AHCYL2: variants seen among roughly 807,000 people sequenced by gnomAD.
AHCYL2 encodes adenosylhomocysteinase like 2.
AHCYL2 carries 28 observed loss-of-function variants against 81.4 expected under a neutral mutation model. That is an observed-to-expected ratio of 0.34 (90% confidence interval 0.25 to 0.47). The LOEUF (loss-of-function observed/expected upper bound fraction) is 0.47, where lower values mean the gene tolerates loss of function less well. AHCYL2 is among the 20% of genes least tolerant of loss of function. The pLI, the probability that AHCYL2 is intolerant of heterozygous loss-of-function variation, is 1.00. For synonymous variants in AHCYL2, 272 were observed against 290.2 expected, an observed-to-expected ratio of 0.94 and a Z score of 0.64; for missense variants, 551 against 785.1, an observed-to-expected ratio of 0.70 and a Z score of 3.56.
rs544222948 is a variant in AHCYL2, at chr7:129,392,775, G to T, written c.720+3041G>T. Among the ~76,000 whole-genome samples the T allele has an allele frequency of 3.9e-5, 6 of 152,302 alleles. No homozygotes were observed. The South Asian group carries it at 1.0e-3, about 26-fold the overall frequency. On this transcript the variant is annotated intron_variant, in intron 4 of 16. Transcript: ENST00000325006. ...TTCTGATAATATTTTTCTAACAAAA[G>T]AATCCAGTCCATGGTTATATGTCAC... is the stretch of plus-strand genomic sequence containing the variant.
chr7:129,243,309 C>T (rs962125242), intron 1 of AHCYL2, among the ~76,000 whole-genome samples: 13 of 152,060 alleles, frequency 8.5e-5, no homozygotes, highest in Non-Finnish European at 1.6e-4. Context: ...AGGCGTGAGC[C>T]ACCATGCCCA....
chr7:129,403,860 CAAAA>C (rs34806455), intron 7 of AHCYL2, among the ~76,000 whole-genome samples: 6 of 80,196 alleles, frequency 7.5e-5, no homozygotes, highest in Non-Finnish European at 1.6e-4. Flanking sequence ...GACTCCATCT[CAAAA>C]AAAAAAAAAA....
At chr7:129,279,056 A>G (rs978693112) in intron 1 of AHCYL2, among the ~76,000 whole-genome samples, 9 of 151,992 alleles carry the variant, frequency 5.9e-5, no homozygotes, top group African/African-American at 1.9e-4. Context: ...CGCCCTTTAC[A>G]TTTCCATGTG....
At chr7:129,236,873 GTTCATA>G (rs1794662569) in intron 1 of AHCYL2, among the ~76,000 whole-genome samples, 1 of 151,848 alleles carries the variant, frequency 6.6e-6, no homozygotes, top group Non-Finnish European at 1.5e-5. Flanking sequence ...GTAATTCCCT[GTTCATA>G]TTCATTAACA....
At chr7:129,359,279 C>A (rs1389068336) in intron 1 of AHCYL2, among the ~76,000 whole-genome samples, 1 of 152,048 alleles carries the variant, frequency 6.6e-6, no homozygotes, top group Non-Finnish European at 1.5e-5. Context: ...ATATCAGGTT[C>A]AAAAATAGGC....
intron 1 of AHCYL2, among the ~76,000 whole-genome samples, chr7:129,265,875 A>T (rs1433526235): frequency 2.0e-5 from 3 of 152,214 alleles, no homozygotes; most frequent in African/African-American, 7.2e-5. Context: ...TGGAGCAGAT[A>T]ATAGCGGTGA....
At chr7:129,375,532 A>C (rs141104373) in intron 1 of AHCYL2, 3 of 911,314 alleles carry the variant, frequency 3.3e-6, no homozygotes, top group Non-Finnish European at 2.8e-6. Flanking sequence ...TGTTATGCGC[A>C]TGCAAGTTGG....
At chr7:129,305,487 CACTTTAT>C (rs1797407638) in intron 1 of AHCYL2, among the ~76,000 whole-genome samples, 1 of 151,860 alleles carries the variant, frequency 6.6e-6, no homozygotes, top group South Asian at 2.1e-4. Flanking sequence ...CAAAAAAAAA[CACTTTAT>C]ACTTTAACTT....
At chr7:129,246,264 G>C (rs1394045012) in intron 1 of AHCYL2, among the ~76,000 whole-genome samples, 6 of 152,056 alleles carry the variant, frequency 3.9e-5, no homozygotes, top group Non-Finnish European at 7.4e-5. Flanking sequence ...CTCCATGTTG[G>C]TCAGGCTGGT....
chr7:129,344,434 T>A (rs569453339), intron 1 of AHCYL2, among the ~76,000 whole-genome samples: 1 of 152,338 alleles, frequency 6.6e-6, no homozygotes, highest in South Asian at 2.1e-4. Flanking sequence ...ACTACTCATA[T>A]AACAGTATGG....
intron 1 of AHCYL2, among the ~76,000 whole-genome samples, chr7:129,311,122 G>A (rs1475555631): frequency 3.3e-5 from 5 of 150,922 alleles, no homozygotes; most frequent in Admixed American, 6.6e-5. Context: ...AAAAAAAAAT[G>A]TACGACAGAC....
Position 129,368,019 on chromosome 7 carries a change from G to A in AHCYL2, c.364-11619G>A, listed in dbSNP as rs1005229340. ...CCAAATCAAGCAACTCTTGAGAAAT[G>A]GGAGTGCCTTCCTGACCTCAGTCTT... On this transcript the variant is annotated intron_variant, in intron 1 of 16. Coordinates refer to ENST00000325006, the MANE Select transcript of AHCYL2 (RefSeq NM_015328.4). This position sits in a 1 kb window ranked among gnomAD's most constrained non-coding sequence, Gnocchi z 4.4. The A allele has an allele frequency of 6.4e-6, 5 of 778,704 alleles. No homozygotes were observed. The highest frequency in any genetic ancestry group is 7.8e-6 in the Non-Finnish European group (5 of 640,854). The allele number at this position is 778,704 out of a possible 1,614,324, so 48.2% of individuals were successfully genotyped here. A position where few individuals can be genotyped will look rare whatever the true frequency, so the allele number is the denominator to read the frequency against.
intron 6 of AHCYL2, 118 bp downstream of exon 6, chr7:129,400,502 T>G: frequency 1.1e-6 from 1 of 879,324 alleles, no homozygotes; most frequent in South Asian, 2.0e-5. Context: ...CATTTCTATC[T>G]GATATACCTG....
intron 1 of AHCYL2, among the ~76,000 whole-genome samples, chr7:129,226,641 T>C (rs969446466): frequency 5.3e-5 from 8 of 152,174 alleles, no homozygotes; most frequent in African/African-American, 1.9e-4. Context: ...ATGATTAAGG[T>C]ATAGCGGATA....
At chr7:129,315,274 G>T (rs1438818922) in intron 1 of AHCYL2, among the ~76,000 whole-genome samples, 2 of 152,060 alleles carry the variant, frequency 1.3e-5, no homozygotes, top group African/African-American at 4.8e-5. Context: ...CTCATTGCTT[G>T]CATGATCAAG....
chr7:129,337,994 T>A (rs1341890842), intron 1 of AHCYL2, among the ~76,000 whole-genome samples: 1 of 152,238 alleles, frequency 6.6e-6, no homozygotes, highest in Non-Finnish European at 1.5e-5. Context: ...TCCACCTGCC[T>A]TGGCCTCCCA....
chr7:129,395,254 A>G (rs1247406892), intron 4 of AHCYL2, among the ~76,000 whole-genome samples: 3 of 152,298 alleles, frequency 2.0e-5, no homozygotes, highest in African/African-American at 7.2e-5. Context: ...CCTCTTTTCA[A>G]GTACCTGCCT....
In AHCYL2 at chr7:129,233,774, C is replaced by T. The variant is rs115534353; in HGVS notation, c.363+8335C>T. Reference sequence around the variant, plus strand: ...TGCTGAGATTATGGGCATGAGCCACCGTGCCCAGCTCTTATTTCTAATCTC... The same window carrying T: ...TGCTGAGATTATGGGCATGAGCCACTGTGCCCAGCTCTTATTTCTAATCTC... On this transcript the variant is annotated intron_variant, in intron 1 of 16. Transcript: ENST00000325006. 6.1e-3 allele frequency among the ~76,000 whole-genome samples: 928 copies of T among 152,280 alleles called. 10 individuals are homozygous for T. The highest frequency in any genetic ancestry group is 0.021 in the African/African-American group (859 of 41,538).
intron 1 of AHCYL2, among the ~76,000 whole-genome samples, chr7:129,265,840 A>AT (rs1304673930): frequency 5.3e-5 from 8 of 152,196 alleles, no homozygotes; most frequent in Admixed American, 4.6e-4. Flanking sequence ...TTACTGCAAT[A>AT]ACTAGAGAAG....
Sources: allele counts gnomAD v4.1 joint callset (sites outside exome capture counted in the v4.1 genomes callset), GRCh38; gene constraint gnomAD v4.1.1; non-coding constraint Gnocchi (gnomAD v3.1); transcripts MANE v1.5; gene names NCBI Gene and HGNC (gene_info 2026-07-23, HGNC 2026-07-21).